Variants in BAZ2A observed in about 807,000 individuals in gnomAD.
BAZ2A encodes the protein bromodomain adjacent to zinc finger domain 2A, also known as bromodomain adjacent to zinc finger domain protein 2A.
Under a neutral mutation model 199.9 loss-of-function variants are expected in BAZ2A, and 34 were observed. The observed-to-expected ratio is 0.17, with a 90% CI of 0.13 to 0.23. The LOEUF (loss-of-function observed/expected upper bound fraction) is 0.23, where lower values mean the gene tolerates loss of function less well. BAZ2A is among the 10% of genes least tolerant of loss of function. The pLI is 1.00. For missense variants in BAZ2A, 2,002 were observed against 2,391.1 expected, an observed-to-expected ratio of 0.84 and a Z score of 3.39; for synonymous variants, 857 against 883.9, an observed-to-expected ratio of 0.97 and a Z score of 0.54.
intron 1 of BAZ2A, among the ~76,000 whole-genome samples, chr12:56,622,201 G>C (rs964000677): frequency 1.3e-5 from 2 of 151,982 alleles, no homozygotes; most frequent in East Asian, 1.9e-4. Context: ...TTAGCTGGGC[G>C]TGGTGGCGGG....
Position 56,601,843 on chromosome 12 carries a change from G to T in BAZ2A, c.3774C>A (p.Ser1258Arg). Residue 1258 changes from serine (S) to arginine (R), a missense_variant, in exon 20 of 29, where the codon AGC becomes AGA. This residue lies in a region of BAZ2A where 1,081 missense variants were observed against 1,274.7 expected (regional missense o/e 0.85). Transcript: ENST00000549884. ...AGGCTGACTGGCTGAGGTCATGCTG[G>T]CTCTGACCCAGTGACAAAGGGGAGC... ...QEGSPLSLGQ[S>R]QHDLSQSAFL... is the part of the protein sequence containing the mutation. 6.2e-7 allele frequency: 1 copy of T among 1,613,976 alleles called. No homozygotes were observed. The highest frequency in any genetic ancestry group is 8.5e-7 in the Non-Finnish European group (1 of 1,179,876).
chr12:56,635,425 G>A lies in BAZ2A; in HGVS notation c.4+757C>T, dbSNP rs1951426736. 6.6e-6 allele frequency among the ~76,000 whole-genome samples: 1 copy of A among 152,144 alleles called. No individual in the cohort carries two copies. The highest frequency in any genetic ancestry group is 2.4e-5 in the African/African-American group (1 of 41,438). On this transcript the variant is annotated intron_variant, in intron 1 of 29. Transcript: ENST00000379441. The surrounding 1 kb of genome is among the most constrained non-coding windows in gnomAD (Gnocchi z 4.1). The stretch of plus-strand genomic sequence containing the variant: ...CCGAGCCTGCTGGGGGTCACGCGCA[G>A]CGCCCTACTAGGTGAACTGGTTCCC...
At position 56,598,171 on chromosome 12, in the gene BAZ2A, G is replaced by A. The variant is rs772409344; in HGVS notation, c.*447C>T. The stretch of plus-strand genomic sequence containing the variant: ...GGGAGTTAAGTCCACTTTACTGGCC[G>A]TCACTGCGGGTCCGCACACAGTACA... On this transcript the variant is annotated 3_prime_UTR_variant, in exon 29 of 29. Coordinates refer to ENST00000549884, the MANE Select transcript of BAZ2A (RefSeq NM_001300905.2). 16 of 156,404 alleles carry A rather than the reference G, an allele frequency of 1.0e-4. No individual in the cohort carries two copies. The highest frequency in any genetic ancestry group is 1.7e-4 in the Non-Finnish European group (12 of 70,554). 9.7% of individuals were successfully genotyped at this position (156,404 alleles called of 1,614,324 possible).
upstream of BAZ2A, among the ~76,000 whole-genome samples, chr12:56,634,755 C>G (rs1253267058): frequency 2.6e-5 from 4 of 152,266 alleles, no homozygotes; most frequent in East Asian, 1.9e-4. Context: ...GCGTGAGAAG[C>G]CTCCGGATTC....
chr12:56,605,125 A>G lies in BAZ2A; in HGVS notation c.2696T>C (p.Val899Ala). ...DSLGEVQDLL[V>A]RLLKAALHDP... ...ATGGAGTGCAGCCTTCAGCAGCCTG[A>G]CCAGCAGGTCTTGCACCTCACCCAA... The change falls in exon 14 of 29, where the codon GTC (valine) becomes GCC (alanine). Residue 899 changes from valine (V) to alanine (A), a missense_variant. Coordinates refer to ENST00000549884, the MANE Select transcript of BAZ2A (RefSeq NM_001300905.2). 6.2e-7 allele frequency: 1 copy of G among 1,613,620 alleles called. No individual in the cohort carries two copies. The highest frequency in any genetic ancestry group is 2.2e-5 in the East Asian group (1 of 44,864).
At chr12:56,617,554 G>GA (rs759838531) in intron 1 of BAZ2A, 22 bp from the exon 2 acceptor site, 35 of 1,581,178 alleles carry the variant, frequency 2.2e-5, no homozygotes, top group Admixed American at 9.4e-5. Flanking sequence ...GAGAGAGAGG[G>GA]AAAAAAAATA....
At position 56,601,718 on chromosome 12, in the gene BAZ2A, G is replaced by A. The variant is rs1193570178; in HGVS notation, c.3899C>T (p.Ser1300Leu). The change falls in exon 20 of 29, where the codon TCA becomes TTA. Residue 1300 changes from serine (S) to leucine (L), a missense_variant. Physicochemically the swap from Ser to Leu is moderately radical, Grantham distance 145. Transcript: ENST00000549884. ...SSPGKLDPAPSQPPEEPEPDE... is the reference protein window; with the variant it reads ...SSPGKLDPAPLQPPEEPEPDE... ...AGGCTCTGGCTCCTCCGGGGGTTGT[G>A]ATGGAGCTGGGTCTAGTTTTCCCGG... is the stretch of plus-strand genomic sequence containing the variant. The A allele has an allele frequency of 3.7e-6, 6 of 1,613,880 alleles. No individual in the cohort carries two copies. The East Asian group carries it at 1.3e-4, about 36-fold the overall frequency.
At position 56,600,626 on chromosome 12, in the gene BAZ2A, A is replaced by G. The variant is rs753308005; in HGVS notation, c.4602+55T>C. On this transcript the variant is annotated intron_variant, in intron 23 of 28. Transcript: ENST00000549884. ...GACCCAGGGTTTTTTCTAACAGGGC[A>G]TAAGGGACTAATGCTTTTCCCCAAC... The G allele has an allele frequency of 2.4e-4, 377 of 1,594,842 alleles. 1 individual carries two copies. Among genetic ancestry groups the G allele is most frequent in the Non-Finnish European group, 2.2e-4 (260 of 1,170,602 alleles).
At position 56,610,423 on chromosome 12, in the gene BAZ2A, G is replaced by A. The variant is rs1013240635; in HGVS notation, c.1765C>T (p.Pro589Ser). 1.2e-6 allele frequency: 2 copies of A among 1,613,612 alleles called. No homozygotes were observed. The highest frequency in any genetic ancestry group is 1.7e-6 in the Non-Finnish European group (2 of 1,179,800). ...AGCTACATTACCTTGATCACTTCTG[G>A]AAATTGCTTCATCCTCTTCCCACAG... is the stretch of plus-strand genomic sequence containing the variant. The part of the protein sequence containing the change: ...GPCGKRMKQF[P>S]EVIKYLSRNV... Residue 589 changes from proline to serine, a missense_variant, in exon 8 of 29, where the codon CCA becomes TCA. Physicochemically the swap from Pro to Ser is moderately conservative, Grantham distance 74 (BLOSUM62 -1). Around this residue, in one of 6 missense-constraint regions of BAZ2A, gnomAD observed 74 missense variants for 126.1 expected, o/e 0.59. Coordinates refer to ENST00000549884, the MANE Select transcript of BAZ2A (RefSeq NM_001300905.2).
chr12:56,620,337 T>C (rs1391420834), intron 1 of BAZ2A, among the ~76,000 whole-genome samples: 1 of 151,774 alleles, frequency 6.6e-6, no homozygotes, highest in Non-Finnish European at 1.5e-5. Context: ...GTCTTTATAG[T>C]GAAAAGACCC....
chr12:56,614,343 G>GA, intron 3 of BAZ2A: 1 of 523,732 alleles, frequency 1.9e-6, no homozygotes, highest in Non-Finnish European at 3.4e-6. Context: ...GCAAAGAGAG[G>GA]AAAAGAGAGT....
chr12:56,627,158 C>T (rs184724258), intron 1 of BAZ2A, among the ~76,000 whole-genome samples: 14 of 152,288 alleles, frequency 9.2e-5, no homozygotes, highest in Non-Finnish European at 1.3e-4. Flanking sequence ...GACAGGCTTA[C>T]GTAGTTTTCA....
At chr12:56,638,054 G>C (rs1227484527), upstream of BAZ2A, 3 of 360,384 alleles carry the variant, frequency 8.3e-6, no homozygotes, top group South Asian at 4.3e-5. Context: ...GGGAGATCTC[G>C]AGCCCAGGAG....
upstream of BAZ2A, among the ~76,000 whole-genome samples, chr12:56,632,385 A>T (rs1017388130): frequency 6.6e-6 from 1 of 152,074 alleles, no homozygotes; most frequent in African/African-American, 2.4e-5. Flanking sequence ...ATGAGGGAGA[A>T]TCTTCCTACC....
In BAZ2A at chr12:56,598,990, C is replaced by T. The variant is rs1223622326; in HGVS notation, c.5424G>A (p.Glu1808=). The part of the protein sequence containing the change: ...TFCEIILMEM[E]SHDAAWPFLE... ...GGAAAGGCCAGGCTGCATCATGGGA[C>T]TCCATCTCCATCAGGATAATCCTAT... The change falls in exon 28 of 29, where the codon GAG becomes GAA. Residue 1808 remains glutamate (E), a synonymous_variant. Transcript: ENST00000549884. The T allele has an allele frequency of 1.2e-6, 2 of 1,611,254 alleles. No individual in the cohort carries two copies. The highest frequency in any genetic ancestry group is 2.2e-5 in the East Asian group (1 of 44,820).
At chr12:56,608,103 G>A (rs1298096054) in intron 10 of BAZ2A, among the ~76,000 whole-genome samples, 1 of 150,462 alleles carries the variant, frequency 6.6e-6, no homozygotes, top group African/African-American at 2.4e-5. Flanking sequence ...GCCAGGCGTG[G>A]GGGCTACACC....
upstream of BAZ2A, among the ~76,000 whole-genome samples, chr12:56,632,387 C>A (rs1211369227): frequency 6.6e-6 from 1 of 152,198 alleles, no homozygotes; most frequent in Non-Finnish European, 1.5e-5. Context: ...GAGGGAGAAT[C>A]TTCCTACCTC....
intron 3 of BAZ2A, 94 bp from the exon 4 acceptor site, chr12:56,614,232 T>C: frequency 7.9e-7 from 1 of 1,272,920 alleles, no homozygotes. Context: ...TAGAAGGATG[T>C]TCATTCATTC....
intron 1 of BAZ2A, among the ~76,000 whole-genome samples, chr12:56,620,154 C>G (rs990695712): frequency 2.7e-5 from 4 of 149,678 alleles, no homozygotes; most frequent in African/African-American, 1.0e-4. Context: ...CTAATGAGAG[C>G]TGATGAGCTT....
Sources: gnomAD v4.1 joint callset for allele counts (sites outside exome capture counted in the v4.1 genomes callset) on GRCh38, gnomAD v4.1.1 for gene constraint, gnomAD v4.1.1 regional missense constraint, Gnocchi (gnomAD v3.1) non-coding constraint, MANE v1.5 for transcripts, NCBI Gene and HGNC (gene_info 2026-07-23, HGNC 2026-07-21) for gene names.